Variants in ASTN2 observed in about 807,000 individuals in gnomAD.
ASTN2 encodes astrotactin-2.
ASTN2 carries 54 observed loss-of-function variants against 139.8 expected under a neutral mutation model. That is an observed-to-expected ratio of 0.39 (90% CI 0.31 to 0.48). ASTN2 has a LOEUF of 0.48. Ranked by LOEUF, ASTN2 falls within the 20% of genes least tolerant of loss-of-function variation. ASTN2 has a pLI of 0.95. For missense variants in ASTN2, 1,565 were observed against 1,725.1 expected (o/e 0.91, Z 1.64); for synonymous variants, 756 against 719.5 (o/e 1.05, Z -0.81).
At chr9:116,902,628 T>C (rs1313809983) in intron 10 of ASTN2, among the ~76,000 whole-genome samples, 1 of 152,114 alleles carries the variant, frequency 6.6e-6, no homozygotes, top group African/African-American at 2.4e-5. Flanking sequence ...TAATCTAGGA[T>C]GTTGTCACAA....
chr9:116,533,039 G>T (rs1318662672), intron 19 of ASTN2, among the ~76,000 whole-genome samples: 1 of 152,138 alleles, frequency 6.6e-6, no homozygotes, highest in Non-Finnish European at 1.5e-5. Flanking sequence ...ATCTCATTGA[G>T]CAGTGGTTTG....
chr9:116,503,647 T>TAC (rs910199376), intron 19 of ASTN2, among the ~76,000 whole-genome samples: 3 of 152,020 alleles, frequency 2.0e-5, no homozygotes, highest in Non-Finnish European at 4.4e-5. Flanking sequence ...ACATAATATA[T>TAC]ACACACACAT....
At chr9:117,377,665 T>C (rs1037829650) in intron 1 of ASTN2, among the ~76,000 whole-genome samples, 14 of 151,158 alleles carry the variant, frequency 9.3e-5, no homozygotes, top group Admixed American at 2.6e-4. Flanking sequence ...ATATATATAA[T>C]ATATACACAA....
chr9:116,757,303 A>G (rs1317044879), intron 13 of ASTN2, among the ~76,000 whole-genome samples: 1 of 152,084 alleles, frequency 6.6e-6, no homozygotes, highest in Admixed American at 6.5e-5. Flanking sequence ...ATTAGCTAAA[A>G]TTTGCGACTG....
At chr9:116,731,414 G>A (rs942034900) in intron 14 of ASTN2, among the ~76,000 whole-genome samples, 1 of 151,418 alleles carries the variant, frequency 6.6e-6, no homozygotes. Context: ...TTGTTATTGT[G>A]TTTTGTTTTG....
At chr9:116,427,207 C>T (rs891987776) in intron 22 of ASTN2, among the ~76,000 whole-genome samples, 2 of 152,114 alleles carry the variant, frequency 1.3e-5, no homozygotes, top group South Asian at 4.1e-4. Flanking sequence ...CCCAGGGCCC[C>T]ACCTACCGCC....
chr9:116,794,350 G>A (rs958284824), intron 13 of ASTN2, among the ~76,000 whole-genome samples: 4 of 151,880 alleles, frequency 2.6e-5, no homozygotes, highest in Admixed American at 6.6e-5. Context: ...CACCCACTTC[G>A]GCCTCCCAAA....
chr9:116,788,804 C>A (rs1029183034), intron 13 of ASTN2, among the ~76,000 whole-genome samples: 11 of 152,156 alleles, frequency 7.2e-5, no homozygotes, highest in Admixed American at 3.9e-4. Context: ...CAGTAAAAAA[C>A]AAGTTTGAAC....
At chr9:117,327,975 A>C (rs554583775) in intron 1 of ASTN2, among the ~76,000 whole-genome samples, 2 of 152,284 alleles carry the variant, frequency 1.3e-5, no homozygotes, top group South Asian at 4.1e-4. Flanking sequence ...ATTTTCATGA[A>C]AAAGCCCAAA....
chr9:116,504,060 A>G (rs904794786), intron 19 of ASTN2, among the ~76,000 whole-genome samples: 9 of 152,198 alleles, frequency 5.9e-5, no homozygotes, highest in African/African-American at 1.7e-4. Flanking sequence ...TCAGGGCTTC[A>G]TTGTACAGAC....
chr9:117,358,288 A>T (rs1564164047), intron 1 of ASTN2, among the ~76,000 whole-genome samples: 3 of 151,862 alleles, frequency 2.0e-5, no homozygotes, highest in African/African-American at 7.3e-5. Flanking sequence ...ACACACACAC[A>T]CACACACATA....
At chr9:116,772,221 C>T (rs1564258506) in intron 13 of ASTN2, among the ~76,000 whole-genome samples, 2 of 152,084 alleles carry the variant, frequency 1.3e-5, no homozygotes, top group Non-Finnish European at 2.9e-5. Context: ...TCCCATAATC[C>T]CCACATGTCA....
intron 4 of ASTN2, among the ~76,000 whole-genome samples, chr9:117,121,867 C>T (rs147059462): frequency 2.8e-3 from 433 of 152,266 alleles, no homozygotes; most frequent in African/African-American, 9.9e-3. Context: ...GGTAGACGTG[C>T]TACACACTTT....
rs1209639693 is a variant in ASTN2 at position 117,016,620 on chromosome 9, C to CTA, written c.1424-8363_1424-8362dup. On this transcript the variant is annotated intron_variant, in intron 6 of 22. Transcript: ENST00000313400. ...TATATATATCTATATCTATATCTAT[C>CTA]TATCTATATATATATATATATATAT... Among the ~76,000 whole-genome samples, 4 of 16,012 alleles carry CTA rather than the reference C, an allele frequency of 2.5e-4. 1 individual carries two copies. The highest frequency in any genetic ancestry group is 1.7e-3 in the East Asian group (1 of 592). The allele number at this position is 16,012 out of a possible 152,430, so 10.5% of individuals were successfully genotyped here. A position where few individuals can be genotyped will look rare whatever the true frequency, so the allele number is the denominator to read the frequency against.
chr9:117,047,687 G>C (rs1364176488), intron 5 of ASTN2, among the ~76,000 whole-genome samples: 4 of 151,986 alleles, frequency 2.6e-5, no homozygotes, highest in African/African-American at 4.8e-5. Flanking sequence ...TTTTGTTAAA[G>C]GTGGAAATTA....
intron 2 of ASTN2, among the ~76,000 whole-genome samples, chr9:117,271,019 A>C (rs1204463453): frequency 6.6e-6 from 1 of 152,186 alleles, no homozygotes; most frequent in Non-Finnish European, 1.5e-5. Context: ...TTTTATCAGG[A>C]AGATGAGAAA....
chr9:116,565,291 CA>C (rs1853130478), intron 19 of ASTN2, among the ~76,000 whole-genome samples: 1 of 143,498 alleles, frequency 7.0e-6, no homozygotes, highest in Non-Finnish European at 1.5e-5. Flanking sequence ...AACAAGTAAA[CA>C]AATACATTCA....
Position 116,771,207 on chromosome 9 carries a change from G to A in ASTN2, c.2396+34425C>T, listed in dbSNP as rs111329083. Among the ~76,000 whole-genome samples, 1,147 of 152,190 alleles carry A rather than the reference G, an allele frequency of 7.5e-3. 10 individuals are homozygous for A. The highest frequency in any genetic ancestry group is 0.026 in the African/African-American group (1,061 of 41,514). On this transcript the variant is annotated intron_variant, in intron 13 of 22. Coordinates refer to ENST00000313400, the MANE Select transcript of ASTN2 (RefSeq NM_001365068.1). The stretch of plus-strand genomic sequence containing the variant: ...TTCATGCTTCCTCTATCATCACACA[G>A]GACTTGTAGGGCACAGTGATTAAGA...
intron 20 of ASTN2, among the ~76,000 whole-genome samples, chr9:116,468,502 C>A (rs2118999933): frequency 6.6e-6 from 1 of 152,302 alleles, no homozygotes. Context: ...GCTCATCTCT[C>A]ACCCTCTGTT....
Sources: gnomAD v4.1 joint callset for allele counts (sites outside exome capture counted in the v4.1 genomes callset) on GRCh38, gnomAD v4.1.1 for gene constraint, MANE v1.5 for transcripts, NCBI Gene and HGNC (gene_info 2026-07-23, HGNC 2026-07-21) for gene names.